The following BASP1 variants were observed in gnomAD, a reference collection of about 807,000 sequenced individuals.
BASP1 encodes the protein brain acid soluble protein 1.
In BASP1, 1 loss-of-function variant was observed where a neutral mutation model predicts 2.2. The observed-to-expected ratio is 0.46, with a 90% confidence interval of 0.16 to 2.17. The LOEUF is 2.17. Among genes scored for constraint, BASP1 ranks in the 30% most tolerant of loss-of-function variants. The probability of loss-of-function intolerance (pLI) is 0.27; values close to 1 mark genes in which losing one functional copy is unlikely to be tolerated. For missense variants in BASP1, 352 were observed against 327.2 expected, an observed-to-expected ratio of 1.08 and a Z score of -0.58; for synonymous variants, 187 against 154.2, an observed-to-expected ratio of 1.21 and a Z score of -1.58.
chr5:17,230,764 C>T (rs298524), intron 1 of BASP1, among the ~76,000 whole-genome samples: 4,064 of 152,018 alleles, frequency 0.027, 176 homozygotes, highest in African/African-American at 0.085. Context: ...GATGGGGTTT[C>T]GTCATGTTGG....
At chr5:17,266,950 G>C (rs1442818417) in intron 1 of BASP1, among the ~76,000 whole-genome samples, 1 of 152,086 alleles carries the variant, frequency 6.6e-6, no homozygotes, top group East Asian at 1.9e-4. Context: ...GTTTTGTTAA[G>C]TGGTTGTATT....
rs70943882 is a variant in BASP1, at chr5:17,266,814, C to CAAAA, written c.-9-8372_-9-8369dup. On this transcript the variant is annotated intron_variant, in intron 1 of 1. Coordinates refer to ENST00000322611, the MANE Select transcript of BASP1 (RefSeq NM_006317.5). ...GCGACAGAGCAGCAAGATCCTGTCT[C>CAAAA]AAAAAAAAAAAAAAAAAAAAAAAAA... Among the ~76,000 whole-genome samples, 1,010 of 111,336 alleles carry CAAAA rather than the reference C, an allele frequency of 9.1e-3. 18 individuals are homozygous for CAAAA. The highest frequency in any genetic ancestry group is 0.031 in the Middle Eastern group (6 of 192). 73.0% of individuals were successfully genotyped at this position (111,336 alleles called of 152,430 possible).
chr5:17,261,340 C>A (rs1358665436), intron 1 of BASP1, among the ~76,000 whole-genome samples: 1 of 152,174 alleles, frequency 6.6e-6, no homozygotes, highest in Non-Finnish European at 1.5e-5. Context: ...TGTGGCAGTT[C>A]TTCAGCATTT....
chr5:17,238,007 A>T (rs1739784784), intron 1 of BASP1, among the ~76,000 whole-genome samples: 1 of 152,152 alleles, frequency 6.6e-6, no homozygotes, highest in Non-Finnish European at 1.5e-5. Flanking sequence ...GTTTAATTAC[A>T]TAAATGCTTA....
intron 1 of BASP1, among the ~76,000 whole-genome samples, chr5:17,219,851 G>T (rs909672508): frequency 6.6e-6 from 1 of 152,270 alleles, no homozygotes; most frequent in East Asian, 1.9e-4. Context: ...TCTGATGGGG[G>T]CAGAAAGAAG....
chr5:17,221,933 C>G (rs1174019415), intron 1 of BASP1, among the ~76,000 whole-genome samples: 1 of 152,034 alleles, frequency 6.6e-6, no homozygotes, highest in Non-Finnish European at 1.5e-5. Flanking sequence ...CATATGATAT[C>G]TAAAAATGAC....
chr5:17,241,773 A>G (rs1394692728), intron 1 of BASP1, among the ~76,000 whole-genome samples: 1 of 152,176 alleles, frequency 6.6e-6, no homozygotes, highest in Non-Finnish European at 1.5e-5. Flanking sequence ...TGTGCTCTGC[A>G]GGAGTCAGAC....
chr5:17,259,506 T>G (rs1740274815), intron 1 of BASP1, among the ~76,000 whole-genome samples: 1 of 152,200 alleles, frequency 6.6e-6, no homozygotes, highest in Non-Finnish European at 1.5e-5. Context: ...AAATTCTTTG[T>G]TTAGTATGTC....
At chr5:17,270,348 A>G (rs1166145292) in intron 1 of BASP1, among the ~76,000 whole-genome samples, 25 of 152,130 alleles carry the variant, frequency 1.6e-4, no homozygotes, top group Non-Finnish European at 3.5e-4. Context: ...AATTGGGAGG[A>G]ATGGATTTAA....
intron 1 of BASP1, among the ~76,000 whole-genome samples, chr5:17,238,312 T>TA (rs1488247509): frequency 6.6e-6 from 1 of 152,098 alleles, no homozygotes; most frequent in Non-Finnish European, 1.5e-5. Flanking sequence ...GTTTTTTTTT[T>TA]ATCGAAACCA....
intron 1 of BASP1, among the ~76,000 whole-genome samples, chr5:17,259,876 AG>A (rs2126513424): frequency 6.6e-6 from 1 of 152,306 alleles, no homozygotes; most frequent in East Asian, 1.9e-4. Context: ...AGCTGCTCTA[AG>A]TGTTTTCCTT....
intron 1 of BASP1, among the ~76,000 whole-genome samples, chr5:17,237,906 C>T (rs1739783159): frequency 6.6e-6 from 1 of 151,512 alleles, no homozygotes; most frequent in East Asian, 2.0e-4. Context: ...CCACTGTGTC[C>T]GGCCCCCTGA....
rs1739740449 is a variant in BASP1 at position 17,236,161 on chromosome 5, T to A, written c.-10+18351T>A. ...CACCCTTGCGTTTAGTCTTTAAGAC[T>A]ATTCTACCTTGGGGGAGAAAAGCAA... On this transcript the variant is annotated intron_variant, in intron 1 of 1. Coordinates refer to ENST00000322611, the MANE Select transcript of BASP1 (RefSeq NM_006317.5). This position sits in a 1 kb window ranked among gnomAD's most constrained non-coding sequence, Gnocchi z 4.0. 1.3e-5 allele frequency among the ~76,000 whole-genome samples: 2 copies of A among 152,262 alleles called. No homozygotes were observed. Among genetic ancestry groups the A allele is most frequent in the Non-Finnish European group, 2.9e-5 (2 of 68,038 alleles).
intron 1 of BASP1, among the ~76,000 whole-genome samples, chr5:17,259,394 A>G (rs991382042): frequency 3.3e-5 from 5 of 152,212 alleles, no homozygotes; most frequent in African/African-American, 1.2e-4. Context: ...CAGCCAAACC[A>G]TATCAGCATA....
intron 1 of BASP1, among the ~76,000 whole-genome samples, chr5:17,233,937 T>A (rs906404387): frequency 2.0e-5 from 3 of 152,146 alleles, no homozygotes; most frequent in Non-Finnish European, 4.4e-5. Context: ...TATACCAGCC[T>A]GGCTAACATA....
At chr5:17,247,372 T>C (rs1269948043) in intron 1 of BASP1, among the ~76,000 whole-genome samples, 1 of 152,110 alleles carries the variant, frequency 6.6e-6, no homozygotes, top group Non-Finnish European at 1.5e-5. Flanking sequence ...GCCCCATAGG[T>C]TCTATAAAGG....
chr5:17,238,896 C>G (rs1041970440), intron 1 of BASP1, among the ~76,000 whole-genome samples: 2 of 152,168 alleles, frequency 1.3e-5, no homozygotes, highest in Non-Finnish European at 2.9e-5. Flanking sequence ...ATTTTAATAT[C>G]TTTCCCTTCA....
chr5:17,236,195 T>G lies in BASP1; in HGVS notation c.-10+18385T>G, dbSNP rs1030031384. On this transcript the variant is annotated intron_variant, in intron 1 of 1. Coordinates refer to ENST00000322611, the MANE Select transcript of BASP1 (RefSeq NM_006317.5). This position sits in a 1 kb window ranked among gnomAD's most constrained non-coding sequence, Gnocchi z 4.0. ...TTGGGGGAGAAAAGCAAAAATGATTTCTTATTACACGTATTTAAACCAGTA... is the reference window on the plus strand; with the variant it reads ...TTGGGGGAGAAAAGCAAAAATGATTGCTTATTACACGTATTTAAACCAGTA... Among the ~76,000 whole-genome samples the G allele has an allele frequency of 6.6e-6, 1 of 152,194 alleles. No individual in the cohort carries two copies. The highest frequency in any genetic ancestry group is 1.5e-5 in the Non-Finnish European group (1 of 68,036).
chr5:17,275,333 G>C lies in BASP1; in HGVS notation c.117G>C (p.Glu39Asp). ...CGGAAGAGGAGGGGACCCCGAAGGA[G>C]AGTGAGCCCCAGGCGGCCGCAGAGC... ...AATEEEGTPK[E>D]SEPQAAAEPA... The change falls in exon 2 of 2, where the codon GAG (glutamate) becomes GAC (aspartate). Residue 39 changes from glutamate to aspartate, a missense_variant. Glu to Asp is a conservative substitution (Grantham distance 45). Transcript: ENST00000322611. This position sits in a 1 kb window ranked among gnomAD's most constrained non-coding sequence, Gnocchi z 5.3. 1 of 1,611,964 alleles carries C rather than the reference G, an allele frequency of 6.2e-7. No homozygotes were observed. Among genetic ancestry groups the C allele is most frequent in the African/African-American group, 1.3e-5 (1 of 74,974 alleles).
Sources: gnomAD v4.1 joint callset for allele counts (sites outside exome capture counted in the v4.1 genomes callset) on GRCh38, gnomAD v4.1.1 for gene constraint, Gnocchi (gnomAD v3.1) non-coding constraint, MANE v1.5 for transcripts, NCBI Gene and HGNC (gene_info 2026-07-23, HGNC 2026-07-21) for gene names.